The following STARD13 variants were observed in gnomAD, a reference collection of about 807,000 sequenced individuals.
STARD13 encodes StAR related lipid transfer domain containing 13.
Under a neutral mutation model 106.4 loss-of-function variants are expected in STARD13, and 62 were observed. That is an observed-to-expected ratio of 0.58 (90% CI 0.48 to 0.72). The LOEUF is 0.72. Ranked by LOEUF, STARD13 falls within the 30% of genes least tolerant of loss-of-function variation. The pLI, the probability that STARD13 is intolerant of heterozygous loss-of-function variation, is 0.00. For synonymous variants in STARD13, 565 were observed against 553.0 expected (o/e 1.02, Z -0.31); for missense variants, 1,387 against 1,424.0 (o/e 0.97, Z 0.42).
At chr13:33,452,180 G>A in the STARD13 span, among the ~76,000 whole-genome samples, 2 of 152,090 alleles carry the variant, frequency 1.3e-5, no homozygotes, top group African/African-American at 2.4e-5. Context: ...TGGACCCAGG[G>A]GCACGAGGTC....
the STARD13 span, among the ~76,000 whole-genome samples, chr13:33,521,863 GA>G: frequency 4.6e-5 from 7 of 151,714 alleles, no homozygotes; most frequent in South Asian, 2.1e-4. Context: ...GAAACAAGAT[GA>G]AAAAAAATAC....
At chr13:33,126,037 T>G in intron 7 of STARD13, 44 bp downstream of exon 7, 14 of 1,583,514 alleles carry the variant, frequency 8.8e-6, no homozygotes, top group East Asian at 2.2e-5. Context: ...TCCAATCCCA[T>G]GGTTGGGGGT....
chr13:33,204,665 TCA>T (rs1263331801), intron 1 of STARD13, among the ~76,000 whole-genome samples: 1 of 152,226 alleles, frequency 6.6e-6, no homozygotes, highest in African/African-American at 2.4e-5. Flanking sequence ...ATAGTTGTCC[TCA>T]CCATCAGTCT....
At chr13:33,281,457 A>G (rs1891779767) in intron 1 of STARD13, 4 of 151,216 alleles carry the variant, frequency 2.6e-5, no homozygotes, top group Non-Finnish European at 4.4e-5. Context: ...GACTTTAAAC[A>G]TGGTGCATCC....
upstream of STARD13, among the ~76,000 whole-genome samples, chr13:33,290,197 A>G (rs1380639783): frequency 6.6e-6 from 1 of 152,130 alleles, no homozygotes; most frequent in Non-Finnish European, 1.5e-5. Flanking sequence ...CTTCACACAC[A>G]TTCCAGCCTC....
chr13:33,529,266 AAACT>A, the STARD13 span, among the ~76,000 whole-genome samples: 1 of 152,200 alleles, frequency 6.6e-6, no homozygotes. Context: ...AGATGCATAG[AAACT>A]AACGGAATAA....
chr13:33,356,568 T>C, the STARD13 span, among the ~76,000 whole-genome samples: 1 of 152,204 alleles, frequency 6.6e-6, no homozygotes, highest in East Asian at 1.9e-4. Context: ...ATTTTCTGAG[T>C]TCCTCAGCCT....
At chr13:33,277,113 T>C (rs1227162984) in intron 1 of STARD13, among the ~76,000 whole-genome samples, 1 of 151,854 alleles carries the variant, frequency 6.6e-6, no homozygotes, top group African/African-American at 2.4e-5. Context: ...TCATGGTACT[T>C]GGTCCTTCCC....
chr13:33,659,609 C>A, the STARD13 span, among the ~76,000 whole-genome samples: 2 of 152,180 alleles, frequency 1.3e-5, no homozygotes, highest in Non-Finnish European at 2.9e-5. Flanking sequence ...CAGATAGCAC[C>A]AGAACTGAAT....
chr13:33,568,896 TAGTA>T, the STARD13 span, among the ~76,000 whole-genome samples: 1 of 148,210 alleles, frequency 6.7e-6, no homozygotes, highest in South Asian at 2.1e-4. Flanking sequence ...TCTAATGACA[TAGTA>T]AGCTAGACAA....
At chr13:33,543,472 T>A in the STARD13 span, among the ~76,000 whole-genome samples, 1 of 151,920 alleles carries the variant, frequency 6.6e-6, no homozygotes, top group African/African-American at 2.4e-5. Flanking sequence ...CAACACATTT[T>A]CCTTTAATAA....
At chr13:33,413,531 T>A in the STARD13 span, among the ~76,000 whole-genome samples, 1 of 152,114 alleles carries the variant, frequency 6.6e-6, no homozygotes, top group East Asian at 1.9e-4. Context: ...GTGAACCTCA[T>A]GTGAAAAGGA....
the STARD13 span, among the ~76,000 whole-genome samples, chr13:33,514,653 G>A: frequency 6.6e-6 from 1 of 152,134 alleles, no homozygotes. Context: ...CTGCACGCTA[G>A]AACAGCCTCT....
chr13:33,115,004 T>C (rs1366218249), intron 8 of STARD13, among the ~76,000 whole-genome samples: 2 of 152,056 alleles, frequency 1.3e-5, no homozygotes, highest in Admixed American at 6.6e-5. Flanking sequence ...TTTGCAATCA[T>C]ATGGGGGATC....
chr13:33,438,304 CT>C, the STARD13 span, among the ~76,000 whole-genome samples: 52 of 152,172 alleles, frequency 3.4e-4, no homozygotes, highest in Non-Finnish European at 4.3e-4. Flanking sequence ...GAAACACGTT[CT>C]TTGCTGATGT....
chr13:33,182,674 G>C (rs531453633), intron 1 of STARD13, among the ~76,000 whole-genome samples: 1 of 152,212 alleles, frequency 6.6e-6, no homozygotes, highest in African/African-American at 2.4e-5. Flanking sequence ...AAGCCATCCT[G>C]GGCTGCATGC....
At chr13:33,157,372 G>A (rs187265017) in intron 3 of STARD13, among the ~76,000 whole-genome samples, 2 of 152,186 alleles carry the variant, frequency 1.3e-5, no homozygotes, top group Admixed American at 1.3e-4. Flanking sequence ...ACATTAAATT[G>A]GAAATTCAGA....
chr13:33,668,805 T>C, the STARD13 span, among the ~76,000 whole-genome samples: 2 of 152,196 alleles, frequency 1.3e-5, no homozygotes, highest in African/African-American at 4.8e-5. Flanking sequence ...TCACATGCTA[T>C]TTTACATTGG....
intron 1 of STARD13, among the ~76,000 whole-genome samples, chr13:33,311,459 C>A (rs1375123684): frequency 1.3e-5 from 2 of 152,178 alleles, no homozygotes; most frequent in Admixed American, 1.3e-4. Context: ...GGGTTCAAAT[C>A]CCAACTCGCC....
Sources: allele counts gnomAD v4.1 joint callset (sites outside exome capture counted in the v4.1 genomes callset), GRCh38; gene constraint gnomAD v4.1.1; transcripts MANE v1.5; gene names NCBI Gene and HGNC (gene_info 2026-07-23, HGNC 2026-07-21).